RERE: variants seen among roughly 807,000 people sequenced by gnomAD.
RERE encodes arginine-glutamic acid dipeptide repeats protein.
A neutral mutation model predicts 146.1 loss-of-function variants in RERE; 40 were observed. The observed-to-expected ratio is 0.27, with a 90% CI of 0.21 to 0.36. The LOEUF (loss-of-function observed/expected upper bound fraction) is 0.36. RERE is among the 10% of genes least tolerant of loss of function. The probability of loss-of-function intolerance (pLI) is 1.00; values close to 1 mark genes in which losing one functional copy is unlikely to be tolerated. For missense variants in RERE, 1,933 were observed against 2,138.7 expected (o/e 0.90, Z 1.90); for synonymous variants, 1,003 against 866.0 (o/e 1.16, Z -2.78).
intron 12 of RERE, among the ~76,000 whole-genome samples, chr1:8,385,899 G>A (rs1469362424): frequency 7.0e-6 from 1 of 143,468 alleles, no homozygotes; most frequent in Non-Finnish European, 1.5e-5. Context: ...AACCCGGGAG[G>A]TGGAGCTTGC....
intron 4 of RERE, among the ~76,000 whole-genome samples, chr1:8,600,631 G>C (rs1646610090): frequency 6.6e-6 from 1 of 151,786 alleles, no homozygotes; most frequent in Non-Finnish European, 1.5e-5. Context: ...CCACCTTCCA[G>C]AGAAAATTAA....
At chr1:8,629,236 G>A in intron 2 of RERE, among the ~76,000 whole-genome samples, 1 of 152,136 alleles carries the variant, frequency 6.6e-6, no homozygotes. Flanking sequence ...ATGGGTCTAG[G>A]TTGAGACCTA....
intron 7 of RERE, among the ~76,000 whole-genome samples, chr1:8,515,724 G>A (rs1378153393): frequency 4.6e-5 from 7 of 152,066 alleles, no homozygotes; most frequent in African/African-American, 1.7e-4. Flanking sequence ...AACAAAGTAG[G>A]TCTAGTCAAA....
intron 11 of RERE, among the ~76,000 whole-genome samples, chr1:8,447,630 G>A (rs1045118622): frequency 6.6e-6 from 1 of 152,204 alleles, no homozygotes; most frequent in Admixed American, 6.5e-5. Context: ...AGCAGAGGCT[G>A]CAGAACAGCA....
intron 1 of RERE, among the ~76,000 whole-genome samples, chr1:8,815,788 T>C (rs1641899500): frequency 2.0e-5 from 3 of 151,876 alleles, no homozygotes; most frequent in African/African-American, 7.3e-5. Context: ...AGAGAGAGAA[T>C]GAATGTGTGT....
At chr1:8,463,092 G>A (rs1644547172) in intron 11 of RERE, among the ~76,000 whole-genome samples, 1 of 152,136 alleles carries the variant, frequency 6.6e-6, no homozygotes, top group South Asian at 2.1e-4. Context: ...GCCAAAGCCA[G>A]GCGAGGGTAA....
intron 10 of RERE, among the ~76,000 whole-genome samples, chr1:8,473,151 T>G (rs1046869789): frequency 6.6e-6 from 1 of 152,200 alleles, no homozygotes; most frequent in Admixed American, 6.5e-5. Flanking sequence ...CTCTGAGATG[T>G]GATTTTTTCC....
intron 11 of RERE, among the ~76,000 whole-genome samples, chr1:8,447,373 C>G (rs980096869): frequency 2.0e-5 from 3 of 152,002 alleles, no homozygotes; most frequent in African/African-American, 7.2e-5. Context: ...GGAGAAGAGG[C>G]GTTCTGGTTT....
chr1:8,388,317 C>CTTT lies in RERE; in HGVS notation c.1285-22346_1285-22344dup, dbSNP rs3996169. Among the ~76,000 whole-genome samples the CTTT allele has an allele frequency of 5.9e-3, 874 of 146,928 alleles. 21 individuals carry two copies. Among genetic ancestry groups the CTTT allele is most frequent in the East Asian group, 0.048 (243 of 5,012 alleles). ...CCGGAGAGGAAACAGTCTGTGCAAT[C>CTTT]TTTTTTTTTTTTTGAGACGGAGTCT... On this transcript the variant is annotated intron_variant, in intron 12 of 22. Transcript: ENST00000400908.
rs548627868 is a variant in RERE, at chr1:8,752,407, G to A, written c.-145+64753C>T. On this transcript the variant is annotated intron_variant, in intron 1 of 22. Coordinates refer to ENST00000400908, the MANE Select transcript of RERE (RefSeq NM_001042681.2). The stretch of plus-strand genomic sequence containing the variant: ...ATCATCTAGTAGTTATAAGAGATAC[G>A]GAAGGCATTAAACTACATTATTCCT... 7.2e-5 allele frequency among the ~76,000 whole-genome samples: 11 copies of A among 152,092 alleles called. No homozygotes were observed. The South Asian group carries it at 1.0e-3, about 14-fold the overall frequency.
At chr1:8,572,041 T>C (rs1646228023) in intron 4 of RERE, among the ~76,000 whole-genome samples, 1 of 152,250 alleles carries the variant, frequency 6.6e-6, no homozygotes, top group Non-Finnish European at 1.5e-5. Context: ...GTAAGACCCC[T>C]TCCTTTAAAA....
chr1:8,411,775 A>G (rs2124457314), intron 12 of RERE, among the ~76,000 whole-genome samples: 1 of 152,332 alleles, frequency 6.6e-6, no homozygotes, highest in South Asian at 2.1e-4. Flanking sequence ...TAAAAGTTTT[A>G]GGGTTTTTCT....
chr1:8,499,162 T>C (rs981060041), intron 8 of RERE, among the ~76,000 whole-genome samples: 2 of 152,176 alleles, frequency 1.3e-5, no homozygotes, highest in African/African-American at 4.8e-5. Context: ...TCTCATCCTG[T>C]CAAATGATGA....
At chr1:8,365,703 C>T in intron 13 of RERE, 109 bp downstream of exon 13, 4 of 1,266,694 alleles carry the variant, frequency 3.2e-6, no homozygotes, top group Non-Finnish European at 4.5e-6. Flanking sequence ...CACGGGTGCA[C>T]ACCCCCTCAT....
At chr1:8,552,358 C>T (rs1645946143) in intron 6 of RERE, among the ~76,000 whole-genome samples, 2 of 152,164 alleles carry the variant, frequency 1.3e-5, no homozygotes, top group East Asian at 1.9e-4. Flanking sequence ...ACCACACAAC[C>T]GAGCCCTTTG....
chr1:8,697,449 G>C (rs1639356873), intron 1 of RERE, among the ~76,000 whole-genome samples: 1 of 135,396 alleles, frequency 7.4e-6, no homozygotes, highest in Non-Finnish European at 1.5e-5. Flanking sequence ...CTGGAGTGCA[G>C]TGGCGTGATC....
intron 1 of RERE, among the ~76,000 whole-genome samples, chr1:8,763,199 ACT>A (rs1274292125): frequency 3.3e-4 from 50 of 152,320 alleles, no homozygotes; most frequent in Non-Finnish European, 2.5e-4. Context: ...TTTTTGTACA[ACT>A]CTGCAAAAAA....
chr1:8,417,529 T>C (rs146730203), intron 12 of RERE, among the ~76,000 whole-genome samples: 1 of 152,296 alleles, frequency 6.6e-6, no homozygotes, highest in East Asian at 1.9e-4. Context: ...AGTGACACAT[T>C]TCCAATAGAG....
intron 12 of RERE, among the ~76,000 whole-genome samples, chr1:8,396,474 A>G (rs1393114422): frequency 6.6e-6 from 1 of 152,200 alleles, no homozygotes; most frequent in African/African-American, 2.4e-5. Context: ...TTTGGGAAGA[A>G]TGCAGCAGAC....
Sources: gnomAD v4.1 joint callset for allele counts (sites outside exome capture counted in the v4.1 genomes callset) on GRCh38, gnomAD v4.1.1 for gene constraint, MANE v1.5 for transcripts, NCBI Gene and HGNC (gene_info 2026-07-23, HGNC 2026-07-21) for gene names.